The following RAPGEF2 variants were observed in gnomAD, a reference collection of about 807,000 sequenced individuals.
RAPGEF2 encodes the protein PDZ domain containing guanine nucleotide exchange factor (GEF) 1.
In RAPGEF2, 54 loss-of-function variants were observed where a neutral mutation model predicts 186.7. The ratio of observed to expected loss-of-function variants is 0.29; its 90% CI spans 0.23 to 0.36. The LOEUF (loss-of-function observed/expected upper bound fraction) is 0.36. Ranked by LOEUF, RAPGEF2 falls within the 10% of genes least tolerant of loss-of-function variation. RAPGEF2 has a pLI of 1.00. For missense variants in RAPGEF2, 1,532 were observed against 2,045.0 expected, an observed-to-expected ratio of 0.75 and a Z score of 4.84; for synonymous variants, 712 against 705.9, an observed-to-expected ratio of 1.01 and a Z score of -0.14.
chr4:159,183,690 A>G (rs1747257259), intron 1 of RAPGEF2, among the ~76,000 whole-genome samples: 1 of 152,244 alleles, frequency 6.6e-6, no homozygotes, highest in Non-Finnish European at 1.5e-5. Flanking sequence ...TGTATAAAGG[A>G]CGGTTACAAT....
intron 1 of RAPGEF2, among the ~76,000 whole-genome samples, chr4:159,151,967 G>A (rs1360883403): frequency 6.6e-6 from 1 of 152,136 alleles, no homozygotes; most frequent in Admixed American, 6.6e-5. Context: ...GCAAGAATAA[G>A]TGTGTCTTGA....
At chr4:159,340,679 A>T (rs1729292256) in intron 19 of RAPGEF2, among the ~76,000 whole-genome samples, 2 of 147,924 alleles carry the variant, frequency 1.4e-5, no homozygotes, top group African/African-American at 5.1e-5. Context: ...ACACACACAC[A>T]CACACACACA....
rs28620962 is a variant in RAPGEF2, at chr4:159,152,775, G to A, written c.70-33867G>A. On this transcript the variant is annotated intron_variant, in intron 1 of 29. Transcript: ENST00000691494. ...TGGGAGTACAGGTGCCCACCACCAC[G>A]CCTGGCTAATTTTTTTTGTATTTTT... Among the ~76,000 whole-genome samples the A allele has an allele frequency of 3.3e-3, 503 of 152,144 alleles. 5 individuals carry two copies. The highest frequency in any genetic ancestry group is 0.012 in the African/African-American group (483 of 41,516).
At chr4:159,129,782 G>A (rs1579260140) in intron 1 of RAPGEF2, among the ~76,000 whole-genome samples, 2 of 152,102 alleles carry the variant, frequency 1.3e-5, no homozygotes, top group East Asian at 3.8e-4. Context: ...TCCCAATCCG[G>A]ACCCTGAAAA....
intron 4 of RAPGEF2, among the ~76,000 whole-genome samples, chr4:159,211,580 A>AT (rs1177160616): frequency 1.3e-5 from 2 of 152,202 alleles, no homozygotes; most frequent in East Asian, 3.8e-4. Context: ...ATGTGAACAG[A>AT]TTTTTATAAA....
chr4:159,194,339 C>G lies in RAPGEF2; in HGVS notation c.197+1083C>G, dbSNP rs137992576. ...TGTTGTTCAGAAAACGACTTGGATC[C>G]TTCAGGCAGATCAGGTCCTGGGTTC... On this transcript the variant is annotated intron_variant, in intron 3 of 29. Coordinates refer to ENST00000691494, the MANE Select transcript of RAPGEF2 (RefSeq NM_001394067.2). 3.7e-3 allele frequency among the ~76,000 whole-genome samples: 570 copies of G among 152,270 alleles called. 3 individuals are homozygous for G. Among genetic ancestry groups the G allele is most frequent in the African/African-American group, 0.012 (512 of 41,538 alleles).
At chr4:159,352,028 T>A (rs1342495168) in intron 26 of RAPGEF2, among the ~76,000 whole-genome samples, 1 of 152,188 alleles carries the variant, frequency 6.6e-6, no homozygotes, top group Non-Finnish European at 1.5e-5. Context: ...GAGTTAAGGG[T>A]CCTTTCAGGC....
chr4:159,241,467 A>G (rs1753983703), intron 6 of RAPGEF2, 99 bp downstream of exon 6: 3 of 528,448 alleles, frequency 5.7e-6, no homozygotes, highest in Admixed American at 4.3e-5. Flanking sequence ...AATCTTTTCA[A>G]TTATATATAT....
intron 29 of RAPGEF2, among the ~76,000 whole-genome samples, chr4:159,357,666 C>G (rs1313507546): frequency 1.3e-5 from 2 of 152,058 alleles, no homozygotes; most frequent in African/African-American, 2.4e-5. Flanking sequence ...AACCCACACC[C>G]TGTCTCAAAA....
At chr4:159,319,134 T>G (rs1764943495) in intron 9 of RAPGEF2, among the ~76,000 whole-genome samples, 1 of 150,914 alleles carries the variant, frequency 6.6e-6, no homozygotes, top group Admixed American at 6.6e-5. Flanking sequence ...TATGGCATTG[T>G]CAGAGTTTTG....
At chr4:159,166,426 C>T (rs1164331894) in intron 1 of RAPGEF2, among the ~76,000 whole-genome samples, 2 of 152,138 alleles carry the variant, frequency 1.3e-5, no homozygotes, top group Non-Finnish European at 2.9e-5. Flanking sequence ...GGGGTGAGTG[C>T]GTCTAGAGGA....
chr4:159,236,756 C>G (rs1442337992), intron 4 of RAPGEF2, among the ~76,000 whole-genome samples: 1 of 152,106 alleles, frequency 6.6e-6, no homozygotes, highest in Non-Finnish European at 1.5e-5. Context: ...TTCAGAAACT[C>G]AAACTTTTGT....
chr4:159,232,529 C>T (rs955813043), intron 4 of RAPGEF2, among the ~76,000 whole-genome samples: 2 of 152,116 alleles, frequency 1.3e-5, no homozygotes, highest in Non-Finnish European at 2.9e-5. Flanking sequence ...TCCATTCTTC[C>T]GTTGTTGGAC....
chr4:159,341,588 A>G lies in RAPGEF2; in HGVS notation c.2559A>G (p.Glu853=), dbSNP rs1729481574. The G allele has an allele frequency of 1.2e-6, 2 of 1,600,374 alleles. No individual in the cohort carries two copies. Among genetic ancestry groups the G allele is most frequent in the Non-Finnish European group, 1.7e-6 (2 of 1,175,894 alleles). The change falls in exon 20 of 30, where the codon GAA becomes GAG. Residue 853 remains glutamate (E), a synonymous_variant. Transcript: ENST00000691494. Reference sequence around the variant, plus strand: ...GGTATTATCTGAAAAACAACATGGAAACAGAAACTCTTTGTTCAGATGAAG... The same window carrying G: ...GGTATTATCTGAAAAACAACATGGAGACAGAAACTCTTTGTTCAGATGAAG... The part of the protein sequence containing the change: ...SGRYYLKNNM[E]TETLCSDEDA...
intron 1 of RAPGEF2, among the ~76,000 whole-genome samples, chr4:159,133,683 A>G (rs1009510511): frequency 1.3e-5 from 2 of 152,000 alleles, no homozygotes; most frequent in Admixed American, 6.6e-5. Context: ...TCCCGGGTTC[A>G]TGCCATTCTC....
intron 4 of RAPGEF2, among the ~76,000 whole-genome samples, chr4:159,232,250 A>G (rs934322555): frequency 8.5e-5 from 13 of 152,048 alleles, no homozygotes; most frequent in African/African-American, 3.1e-4. Context: ...CTTTTCTGTA[A>G]CTCCAGATGG....
intron 1 of RAPGEF2, among the ~76,000 whole-genome samples, chr4:159,163,023 G>A (rs551691092): frequency 1.7e-4 from 26 of 152,230 alleles, no homozygotes; most frequent in African/African-American, 6.0e-4. Flanking sequence ...CCAAAAAGGA[G>A]TTAGTTATTT....
intron 6 of RAPGEF2, among the ~76,000 whole-genome samples, chr4:159,243,461 G>C (rs573113519): frequency 6.6e-6 from 1 of 151,764 alleles, no homozygotes; most frequent in Non-Finnish European, 1.5e-5. Flanking sequence ...TTACCCCTAC[G>C]CCATATTTAC....
At chr4:159,255,805 T>C (rs979459144) in intron 7 of RAPGEF2, among the ~76,000 whole-genome samples, 2 of 152,240 alleles carry the variant, frequency 1.3e-5, no homozygotes, top group African/African-American at 4.8e-5. Context: ...GTTAATTTTG[T>C]TTTTAATCTT....
Sources: gnomAD v4.1 joint callset for allele counts (sites outside exome capture counted in the v4.1 genomes callset) on GRCh38, gnomAD v4.1.1 for gene constraint, MANE v1.5 for transcripts, NCBI Gene and HGNC (gene_info 2026-07-23, HGNC 2026-07-21) for gene names.